Variants in CCDC180 observed in about 807,000 individuals in gnomAD.
CCDC180 encodes the protein coiled-coil domain containing 180, also known as coiled-coil domain-containing protein 180.
In CCDC180, 154 loss-of-function variants were observed where a neutral mutation model predicts 209.2. The observed-to-expected ratio is 0.74, with a 90% confidence interval of 0.65 to 0.84. The LOEUF (loss-of-function observed/expected upper bound fraction) is 0.84. Ranked by LOEUF, CCDC180 falls within the 40% of genes least tolerant of loss-of-function variation. CCDC180 has a pLI of 0.00. For synonymous variants in CCDC180, 778 were observed against 749.1 expected (o/e 1.04, Z -0.63); for missense variants, 1,874 against 1,997.3 (o/e 0.94, Z 1.18).
intron 18 of CCDC180, among the ~76,000 whole-genome samples, chr9:97,333,720 A>G (rs893008233): frequency 6.7e-6 from 1 of 149,466 alleles, no homozygotes; most frequent in Non-Finnish European, 1.5e-5. Flanking sequence ...TTTTTTTTGT[A>G]TTTCTGCGGG....
chr9:97,355,551 C>T (rs1276642859), intron 24 of CCDC180, among the ~76,000 whole-genome samples: 1 of 152,210 alleles, frequency 6.6e-6, no homozygotes, highest in Non-Finnish European at 1.5e-5. Context: ...TTAGTCCTCA[C>T]AAGAACTATA....
chr9:97,326,516 T>G, intron 14 of CCDC180, 38 bp from the exon 15 acceptor site: 1 of 1,234,706 alleles, frequency 8.1e-7, no homozygotes, highest in Non-Finnish European at 1.2e-6. Flanking sequence ...GCACTGGAGG[T>G]CACATCTGCT....
chr9:97,324,044 T>C (rs1833445104), intron 13 of CCDC180, 141 bp downstream of exon 13: 1 of 1,024,906 alleles, frequency 9.8e-7, no homozygotes, highest in Middle Eastern at 3.4e-4. Flanking sequence ...CCTCTCAGAG[T>C]AGCCCCCTTA....
At chr9:97,338,391 C>T (rs1005399547) in intron 18 of CCDC180, among the ~76,000 whole-genome samples, 5 of 152,162 alleles carry the variant, frequency 3.3e-5, no homozygotes, top group Admixed American at 2.0e-4. Flanking sequence ...CAAAGAGCAT[C>T]TTTATTTCTG....
At chr9:97,348,512 C>T (rs926622352) in intron 20 of CCDC180, among the ~76,000 whole-genome samples, 3 of 152,172 alleles carry the variant, frequency 2.0e-5, no homozygotes, top group Non-Finnish European at 4.4e-5. Flanking sequence ...CCCAGCATCT[C>T]ACCATTCATT....
chr9:97,365,730 A>C lies in CCDC180; in HGVS notation c.4038A>C (p.Thr1346=), dbSNP rs369710921. 2 of 1,614,042 alleles carry C rather than the reference A, an allele frequency of 1.2e-6. No individual in the cohort carries two copies. The highest frequency in any genetic ancestry group is 2.2e-5 in the East Asian group (1 of 44,882). ...LLWESSENLL[T]VAEEFYRKEK... The stretch of plus-strand genomic sequence containing the variant: ...GGGAGAGCAGTGAGAACCTGCTGAC[A>C]GTCGCAGAGGTGAGGACCACCACCC... Residue 1346 remains threonine, a synonymous_variant, in exon 30 of 37, where the codon ACA becomes ACC. Coordinates refer to ENST00000529487, the MANE Select transcript of CCDC180 (RefSeq NM_020893.6).
At chr9:97,370,858 A>T (rs1827072802) in intron 33 of CCDC180, 80 bp downstream of exon 33, 1 of 1,477,042 alleles carries the variant, frequency 6.8e-7, no homozygotes, top group Non-Finnish European at 9.2e-7. Context: ...TGCCAGGTGC[A>T]GCCCTTTCTT....
intron 19 of CCDC180, among the ~76,000 whole-genome samples, chr9:97,344,662 C>T (rs1284035318): frequency 3.3e-5 from 5 of 152,190 alleles, no homozygotes; most frequent in African/African-American, 1.2e-4. Context: ...GACCCTGTAA[C>T]TCCAGAATCT....
chr9:97,312,841 G>C (rs780792016), intron 4 of CCDC180, among the ~76,000 whole-genome samples: 1 of 152,094 alleles, frequency 6.6e-6, no homozygotes, highest in African/African-American at 2.4e-5. Context: ...CCATGACTGA[G>C]TTTCCTCACA....
In CCDC180 at chr9:97,343,574, A is replaced by T; in HGVS notation, c.2498+11A>T. 2 of 1,567,468 alleles carry T rather than the reference A, an allele frequency of 1.3e-6. No homozygotes were observed. Among genetic ancestry groups the T allele is most frequent in the Non-Finnish European group, 1.8e-6 (2 of 1,138,628 alleles). ...AGAAATTAAGAAACAGTGAGTAAAA[A>T]ACTATTTTATTCTCATCCTGTTGTT... On this transcript the variant is annotated intron_variant, in intron 19 of 36. Transcript: ENST00000529487.
Position 97,350,585 on chromosome 9 carries a change from G to A in CCDC180, c.3002+30G>A, listed in dbSNP as rs768992055. 3.3e-6 allele frequency: 5 copies of A among 1,533,758 alleles called. No individual in the cohort carries two copies. The East Asian group carries it at 9.8e-5, about 30-fold the overall frequency. On this transcript the variant is annotated intron_variant, in intron 22 of 36. Transcript: ENST00000529487. ...GAGCCAGTGTCCAGGGCCTCTTCAG[G>A]CCACCTGAGTTTCTCTATTGGGATG...
rs79340881 is a variant in CCDC180, at chr9:97,330,636, G to A, written c.2143G>A (p.Gly715Ser). The A allele has an allele frequency of 2.5e-6, 4 of 1,613,292 alleles. No individual in the cohort carries two copies. Residue 715 changes from glycine to serine, a missense_variant, in exon 18 of 37, where the codon GGT becomes AGT. Gly to Ser is a moderately conservative substitution (Grantham distance 56). Transcript: ENST00000529487. ...NPSLNEENVK[G>S]QGEKKEESEE... is the part of the protein sequence containing the mutation. ...ATCCCTGAATGAGGAGAATGTGAAG[G>A]GTCAAGGAGAAAAGAAGGAGGAGTC...
chr9:97,329,965 G>T (rs932162763), intron 16 of CCDC180, among the ~76,000 whole-genome samples, 189 bp from the exon 17 acceptor site: 5 of 151,788 alleles, frequency 3.3e-5, no homozygotes, highest in Non-Finnish European at 7.4e-5. Context: ...CTACTCGGGA[G>T]GCTGAGGCGG....
intron 26 of CCDC180, among the ~76,000 whole-genome samples, 191 bp from the exon 27 acceptor site, chr9:97,361,535 G>A (rs531071873): frequency 1.3e-5 from 2 of 152,164 alleles, no homozygotes; most frequent in Non-Finnish European, 1.5e-5. Context: ...ATGAATAAAC[G>A]GATGAATGAA....
intron 13 of CCDC180, among the ~76,000 whole-genome samples, chr9:97,324,724 G>C (rs191768094): frequency 6.6e-6 from 1 of 152,208 alleles, no homozygotes; most frequent in Non-Finnish European, 1.5e-5. Context: ...CTGGTTTTTA[G>C]GAATGGCCCA....
intron 16 of CCDC180, 35 bp downstream of exon 16, chr9:97,328,181 T>C (rs762167621): frequency 1.2e-5 from 19 of 1,607,024 alleles, no homozygotes; most frequent in Admixed American, 1.7e-5. Flanking sequence ...CAGCCACTCA[T>C]GAAGAAGCTA....
At chr9:97,326,238 G>T (rs1020730349) in intron 14 of CCDC180, among the ~76,000 whole-genome samples, 1 of 152,194 alleles carries the variant, frequency 6.6e-6, no homozygotes, top group Non-Finnish European at 1.5e-5. Context: ...GAAGAAGAGC[G>T]AGGAGCAGGT....
At chr9:97,327,990 G>C (rs557565798) in intron 15 of CCDC180, 30 bp from the exon 16 acceptor site, 5 of 1,603,466 alleles carry the variant, frequency 3.1e-6, no homozygotes, top group Non-Finnish European at 4.3e-6. Flanking sequence ...TCCTAGCTGG[G>C]GTCTCCTGTC....
intron 18 of CCDC180, 143 bp downstream of exon 18, chr9:97,330,910 T>C (rs1825724577): frequency 1.1e-6 from 1 of 871,884 alleles, no homozygotes; most frequent in Non-Finnish European, 1.8e-6. Context: ...ATTCATACTA[T>C]TCATACTTTA....
Sources: gnomAD v4.1 joint callset for allele counts (sites outside exome capture counted in the v4.1 genomes callset) on GRCh38, gnomAD v4.1.1 for gene constraint, MANE v1.5 for transcripts, NCBI Gene and HGNC (gene_info 2026-07-23, HGNC 2026-07-21) for gene names.